The following DENND1B variants were observed in gnomAD, a reference collection of about 807,000 sequenced individuals.
The protein encoded by DENND1B is DENN domain containing 1B, also known as DENN domain-containing protein 1B.
Under a neutral mutation model 90.1 loss-of-function variants are expected in DENND1B, and 59 were observed. The observed-to-expected ratio is 0.65, with a 90% confidence interval of 0.53 to 0.81. The LOEUF (loss-of-function observed/expected upper bound fraction) is 0.81, where lower values mean the gene tolerates loss of function less well. DENND1B is among the 40% of genes least tolerant of loss of function. The pLI is 0.00. For synonymous variants in DENND1B, 337 were observed against 324.6 expected (o/e 1.04, Z -0.41); for missense variants, 862 against 912.6 (o/e 0.94, Z 0.71).
At chr1:197,751,460 T>A (rs1272474033) in intron 2 of DENND1B, among the ~76,000 whole-genome samples, 1 of 152,070 alleles carries the variant, frequency 6.6e-6, no homozygotes, top group Non-Finnish European at 1.5e-5. Context: ...ACATTTATGA[T>A]TACATTAGAA....
chr1:197,769,581 T>C (rs1656142904), intron 2 of DENND1B, among the ~76,000 whole-genome samples: 1 of 152,304 alleles, frequency 6.6e-6, no homozygotes, highest in Non-Finnish European at 1.5e-5. Flanking sequence ...TGACGACTTC[T>C]TGTATGAACT....
At chr1:197,673,679 A>T (rs1273697440) in intron 4 of DENND1B, among the ~76,000 whole-genome samples, 1 of 152,128 alleles carries the variant, frequency 6.6e-6, no homozygotes, top group East Asian at 1.9e-4. Flanking sequence ...ACCTCTATAA[A>T]GCTATTATTG....
At position 197,510,719 on chromosome 1, in the gene DENND1B, G is replaced by C; in HGVS notation, c.2069C>G (p.Ser690Cys). ...TTTATCAGTCTGGGAAACTTCAGGG[G>C]AAGTGAGTTGGAAATCCAGTCCTGA... ...PTSGLDFQLTSPEVSQTDKGK... is the reference protein window; with the variant it reads ...PTSGLDFQLTCPEVSQTDKGK... Residue 690 changes from serine (S) to cysteine (C), a missense_variant, in exon 23 of 23, where the codon TCC (serine) becomes TGC (cysteine). Coordinates refer to ENST00000620048, the MANE Select transcript of DENND1B (RefSeq NM_001195215.2). 1 of 1,612,656 alleles carries C rather than the reference G, an allele frequency of 6.2e-7. No individual in the cohort carries two copies. The highest frequency in any genetic ancestry group is 1.1e-5 in the South Asian group (1 of 91,036).
intron 20 of DENND1B, among the ~76,000 whole-genome samples, chr1:197,531,198 T>A (rs1476086333): frequency 6.6e-6 from 1 of 152,178 alleles, no homozygotes; most frequent in South Asian, 2.1e-4. Flanking sequence ...CTCACTGTTA[T>A]CAAAAAACTG....
intron 2 of DENND1B, among the ~76,000 whole-genome samples, chr1:197,728,666 T>G (rs1331151220): frequency 6.6e-6 from 1 of 152,172 alleles, no homozygotes; most frequent in Non-Finnish European, 1.5e-5. Flanking sequence ...TCTAAATTCT[T>G]ATTGCCTAAT....
At chr1:197,614,980 T>C (rs1438966296) in intron 11 of DENND1B, among the ~76,000 whole-genome samples, 1 of 150,968 alleles carries the variant, frequency 6.6e-6, no homozygotes, top group Non-Finnish European at 1.5e-5. Flanking sequence ...ATTGGCTGAT[T>C]AGGGGAAAAT....
At chr1:197,590,160 T>C (rs75007359) in intron 14 of DENND1B, among the ~76,000 whole-genome samples, 10,827 of 152,232 alleles carry the variant, frequency 0.071, 491 homozygotes, top group Non-Finnish European at 0.098. Context: ...CCTTACTAAA[T>C]CTACTGATTT....
Position 197,509,659 on chromosome 1 carries a change from G to A in DENND1B, c.*801C>T, listed in dbSNP as rs1284221916. 7.2e-6 allele frequency: 1 copy of A among 138,358 alleles called. No homozygotes were observed. Among genetic ancestry groups the A allele is most frequent in the Non-Finnish European group, 1.6e-5 (1 of 64,324 alleles). 8.6% of individuals were successfully genotyped at this position (138,358 alleles called of 1,614,324 possible). On this transcript the variant is annotated 3_prime_UTR_variant, in exon 23 of 23. Coordinates refer to ENST00000620048, the MANE Select transcript of DENND1B (RefSeq NM_001195215.2). ...TTTTTTTTTTGTCAGGACGGTTTAT[G>A]TTGTATTTGGCTTTCTTGGGGTGGA...
At chr1:197,609,193 T>A (rs943973328) in intron 12 of DENND1B, among the ~76,000 whole-genome samples, 1 of 150,570 alleles carries the variant, frequency 6.6e-6, no homozygotes, top group Admixed American at 6.6e-5. Flanking sequence ...AAGAAAATAA[T>A]ATTAGACATA....
At chr1:197,735,658 T>C (rs767567530) in intron 2 of DENND1B, 1 of 1,614,112 alleles carries the variant, frequency 6.2e-7, no homozygotes, top group Non-Finnish European at 8.5e-7. Context: ...CTATGCGGTT[T>C]CAGCCGGTAC....
upstream of DENND1B, among the ~76,000 whole-genome samples, chr1:197,778,062 A>C (rs954136911): frequency 6.6e-6 from 1 of 152,132 alleles, no homozygotes; most frequent in African/African-American, 2.4e-5. Context: ...TTCAGGTTCT[A>C]CCTTACACAG....
At chr1:197,713,793 T>TAACAA (rs1376908590) in intron 3 of DENND1B, among the ~76,000 whole-genome samples, 1 of 20,226 alleles carries the variant, frequency 4.9e-5, no homozygotes, top group Non-Finnish European at 8.2e-5. Context: ...TATTATAATA[T>TAACAA]TATTATATTA....
At chr1:197,569,929 C>A (rs142867014) in intron 15 of DENND1B, among the ~76,000 whole-genome samples, 55 of 151,990 alleles carry the variant, frequency 3.6e-4, no homozygotes, top group African/African-American at 1.1e-3. Flanking sequence ...AGATTTTAAA[C>A]GTTCTCGCCA....
At chr1:197,540,866 T>C (rs554069511) in intron 19 of DENND1B, 93 bp downstream of exon 19, 1 of 1,199,770 alleles carries the variant, frequency 8.3e-7, no homozygotes, top group Non-Finnish European at 1.2e-6. Context: ...ATATTTCAAA[T>C]GTCATTAAAA....
chr1:197,650,250 T>A (rs1652979602), intron 7 of DENND1B, among the ~76,000 whole-genome samples: 1 of 152,160 alleles, frequency 6.6e-6, no homozygotes. Context: ...CAATAAAACA[T>A]AATTATTCAA....
chr1:197,586,306 T>A (rs1674690322), intron 14 of DENND1B, among the ~76,000 whole-genome samples: 1 of 152,198 alleles, frequency 6.6e-6, no homozygotes, highest in Non-Finnish European at 1.5e-5. Flanking sequence ...GACTAAATTT[T>A]TTTAGGAATA....
chr1:197,755,874 A>T (rs985700785), intron 2 of DENND1B, among the ~76,000 whole-genome samples: 1 of 152,120 alleles, frequency 6.6e-6, no homozygotes, highest in Non-Finnish European at 1.5e-5. Flanking sequence ...CACAGGAAAG[A>T]CCCATCCCCA....
intron 13 of DENND1B, among the ~76,000 whole-genome samples, chr1:197,597,063 T>C (rs919964190): frequency 2.0e-5 from 3 of 151,886 alleles, no homozygotes; most frequent in Non-Finnish European, 2.9e-5. Flanking sequence ...CCAAGCTCCA[T>C]AGATTCAGAT....
intron 13 of DENND1B, among the ~76,000 whole-genome samples, chr1:197,597,400 T>C (rs1184354687): frequency 6.6e-6 from 1 of 151,336 alleles, no homozygotes. Context: ...ATATAAATAG[T>C]TTTTTTAAAA....
Sources: allele counts gnomAD v4.1 joint callset (sites outside exome capture counted in the v4.1 genomes callset), GRCh38; gene constraint gnomAD v4.1.1; transcripts MANE v1.5; gene names NCBI Gene and HGNC (gene_info 2026-07-23, HGNC 2026-07-21).